Variants in TBC1D22A observed in about 807,000 individuals in gnomAD.
TBC1D22A encodes the protein putative GTPase activator.
In TBC1D22A, 38 loss-of-function variants were observed where a neutral mutation model predicts 60.2. The ratio of observed to expected loss-of-function variants is 0.63; its 90% CI spans 0.49 to 0.83. The LOEUF is 0.83. TBC1D22A is among the 40% of genes least tolerant of loss of function. The pLI is 0.00. For missense variants in TBC1D22A, 628 were observed against 701.0 expected, an observed-to-expected ratio of 0.90 and a Z score of 1.18; for synonymous variants, 302 against 281.7, an observed-to-expected ratio of 1.07 and a Z score of -0.72.
At chr22:47,017,364 G>T (rs940541394) in intron 10 of TBC1D22A, among the ~76,000 whole-genome samples, 10 of 152,212 alleles carry the variant, frequency 6.6e-5, no homozygotes, top group African/African-American at 2.4e-4. Context: ...CGGTCTCCGG[G>T]CTCAGGTGAG....
chr22:47,014,695 G>A (rs1186417635), intron 10 of TBC1D22A, among the ~76,000 whole-genome samples: 1 of 151,360 alleles, frequency 6.6e-6, no homozygotes, highest in Non-Finnish European at 1.5e-5. Context: ...TCACGCAGGT[G>A]AAACTTGGAG....
At chr22:46,982,855 G>A (rs1569302487) in intron 9 of TBC1D22A, among the ~76,000 whole-genome samples, 2 of 152,236 alleles carry the variant, frequency 1.3e-5, no homozygotes, top group South Asian at 4.1e-4. Flanking sequence ...CAAGTGCCCA[G>A]TGTGGAGCGG....
intron 4 of TBC1D22A, among the ~76,000 whole-genome samples, chr22:46,804,372 C>A (rs534723055): frequency 1.3e-5 from 2 of 152,350 alleles, no homozygotes; most frequent in African/African-American, 4.8e-5. Flanking sequence ...ACCAAAATTG[C>A]CACTGTTTCC....
At chr22:46,979,089 G>C (rs913647050) in intron 9 of TBC1D22A, among the ~76,000 whole-genome samples, 1 of 152,102 alleles carries the variant, frequency 6.6e-6, no homozygotes, top group South Asian at 2.1e-4. Flanking sequence ...ACTTTGATAG[G>C]ATCTTTTACC....
rs143997395 is a variant in TBC1D22A at position 46,766,863 on chromosome 22, A to G, written c.62+4015A>G. On this transcript the variant is annotated intron_variant, in intron 1 of 12. Transcript: ENST00000337137. ...CACCTCCTGTTTTTATGCAGCCTGA[A>G]CTAAAGTCCCCCTTTTTTGCATCAA... Among the ~76,000 whole-genome samples, 1,115 of 152,228 alleles carry G rather than the reference A, an allele frequency of 7.3e-3. 9 individuals carry two copies. Among genetic ancestry groups the G allele is most frequent in the Non-Finnish European group, 0.013 (854 of 67,984 alleles).
At chr22:47,007,757 T>C (rs1409782122) in intron 10 of TBC1D22A, among the ~76,000 whole-genome samples, 1 of 152,124 alleles carries the variant, frequency 6.6e-6, no homozygotes, top group African/African-American at 2.4e-5. Flanking sequence ...CCATCTCTTA[T>C]AGGGACACTA....
At chr22:47,143,988 C>T (rs956059568) in intron 12 of TBC1D22A, among the ~76,000 whole-genome samples, 1 of 152,196 alleles carries the variant, frequency 6.6e-6, no homozygotes, top group Non-Finnish European at 1.5e-5. Flanking sequence ...GGCCACACTC[C>T]GAATCAAGCC....
At chr22:46,991,408 C>T (rs761209338) in intron 9 of TBC1D22A, among the ~76,000 whole-genome samples, 8 of 152,180 alleles carry the variant, frequency 5.3e-5, no homozygotes, top group Non-Finnish European at 2.9e-5. Context: ...ATGGCACAAT[C>T]AAGATTCAGA....
At chr22:46,881,576 A>T (rs564286478) in intron 5 of TBC1D22A, among the ~76,000 whole-genome samples, 1 of 152,322 alleles carries the variant, frequency 6.6e-6, no homozygotes, top group South Asian at 2.1e-4. Context: ...AACTCAGGGA[A>T]CAGGCTGTTC....
At chr22:46,951,787 C>A (rs1056561037) in intron 8 of TBC1D22A, among the ~76,000 whole-genome samples, 1 of 152,290 alleles carries the variant, frequency 6.6e-6, no homozygotes, top group Non-Finnish European at 1.5e-5. Context: ...GGCTCAAATG[C>A]GGAGCTTTGT....
rs1340206491 is a variant in TBC1D22A at position 46,974,320 on chromosome 22, C to G, written c.1046C>G (p.Ser349Cys). 6.2e-7 allele frequency: 1 copy of G among 1,603,790 alleles called. No homozygotes were observed. The highest frequency in any genetic ancestry group is 1.7e-5 in the Admixed American group (1 of 58,692). The change falls in exon 9 of 13, where the codon TCC (serine) becomes TGC (cysteine). Residue 349 changes from serine to cysteine, a missense_variant. Ser to Cys is a moderately radical substitution (Grantham distance 112). Coordinates refer to ENST00000337137, the MANE Select transcript of TBC1D22A (RefSeq NM_014346.5). The part of the protein sequence containing the change: ...EAEEVDTVDV[S>C]GVPAEVLCNI... Reference sequence around the variant, plus strand: ...GAGGAGGTGGACACGGTGGACGTCTCCGGCGTGCCCGCAGAGGTGCTGTGC... The same window carrying G: ...GAGGAGGTGGACACGGTGGACGTCTGCGGCGTGCCCGCAGAGGTGCTGTGC...
intron 11 of TBC1D22A, among the ~76,000 whole-genome samples, chr22:47,055,378 C>T (rs2063359157): frequency 6.6e-6 from 1 of 152,158 alleles, no homozygotes; most frequent in African/African-American, 2.4e-5. Flanking sequence ...CCGGAGTGGT[C>T]AGCTGGACAG....
At chr22:47,052,810 C>T (rs1188906436) in intron 11 of TBC1D22A, among the ~76,000 whole-genome samples, 1 of 152,218 alleles carries the variant, frequency 6.6e-6, no homozygotes, top group African/African-American at 2.4e-5. Flanking sequence ...CCACTGCTCC[C>T]CAATCAGTGA....
chr22:47,079,084 C>CTTTTTTTTTT (rs35269996), intron 11 of TBC1D22A, among the ~76,000 whole-genome samples: 2 of 124,962 alleles, frequency 1.6e-5, no homozygotes, highest in East Asian at 2.4e-4. Context: ...GTAGAGCAGA[C>CTTTTTTTTTT]TTTTTTTTTT....
rs146420994 is a variant in TBC1D22A, at chr22:46,813,200, C to T, written c.637+15580C>T. On this transcript the variant is annotated intron_variant, in intron 4 of 12. Transcript: ENST00000337137. ...TCCTCAATAAAGTGTATATTGAATT[C>T]GTAAGACACAGATTTCCTTGTGTGT... Among the ~76,000 whole-genome samples the T allele has an allele frequency of 1.4e-3, 210 of 152,316 alleles. 1 individual carries two copies. The highest frequency in any genetic ancestry group is 4.7e-3 in the African/African-American group (197 of 41,564).
chr22:46,778,384 T>C (rs1379110864), intron 1 of TBC1D22A, among the ~76,000 whole-genome samples: 1 of 152,220 alleles, frequency 6.6e-6, no homozygotes, highest in African/African-American at 2.4e-5. Context: ...ACAAATACGT[T>C]GTACAGCTGC....
chr22:46,869,799 A>G (rs1343685638), intron 4 of TBC1D22A, among the ~76,000 whole-genome samples: 1 of 152,258 alleles, frequency 6.6e-6, no homozygotes, highest in African/African-American at 2.4e-5. Flanking sequence ...AAGGCAGTTA[A>G]TAAGAAATGA....
chr22:46,835,618 G>T (rs532153983), intron 4 of TBC1D22A, among the ~76,000 whole-genome samples: 1 of 152,132 alleles, frequency 6.6e-6, no homozygotes, highest in East Asian at 1.9e-4. Flanking sequence ...AGCCATATAC[G>T]CATTATGTGA....
intron 10 of TBC1D22A, among the ~76,000 whole-genome samples, chr22:47,004,776 G>A (rs78717564): frequency 0.042 from 6,140 of 147,118 alleles, 387 homozygotes; most frequent in African/African-American, 0.15. Flanking sequence ...ACACTCAGAT[G>A]CCTATATACA....
Sources: allele counts gnomAD v4.1 joint callset (sites outside exome capture counted in the v4.1 genomes callset), GRCh38; gene constraint gnomAD v4.1.1; transcripts MANE v1.5; gene names NCBI Gene and HGNC (gene_info 2026-07-23, HGNC 2026-07-21).